DLGAP2: variants seen among roughly 807,000 people sequenced by gnomAD.
DLGAP2 encodes the protein disks large-associated protein 2.
A neutral mutation model predicts 100.3 loss-of-function variants in DLGAP2; 26 were observed. The observed-to-expected ratio is 0.26, with a 90% CI of 0.19 to 0.36. DLGAP2 has a LOEUF of 0.36. Among genes scored for constraint, DLGAP2 ranks in the 10% least tolerant of loss-of-function variants. The pLI is 1.00. For missense variants in DLGAP2, 1,858 were observed against 1,453.2 expected, an observed-to-expected ratio of 1.28 and a Z score of -4.53; for synonymous variants, 886 against 630.1, an observed-to-expected ratio of 1.41 and a Z score of -6.08.
chr8:1,603,758 G>C (rs1353996086), intron 6 of DLGAP2, among the ~76,000 whole-genome samples: 1 of 152,178 alleles, frequency 6.6e-6, no homozygotes, highest in East Asian at 1.9e-4. Flanking sequence ...CTGTCTCAGG[G>C]ATTATTTATC....
chr8:1,413,416 A>G (rs1160190310), intron 3 of DLGAP2, among the ~76,000 whole-genome samples: 1 of 152,226 alleles, frequency 6.6e-6, no homozygotes, highest in African/African-American at 2.4e-5. Context: ...AAGAAGCATA[A>G]AAAAGACTTT....
intron 1 of DLGAP2, among the ~76,000 whole-genome samples, chr8:880,901 C>G (rs948358424): frequency 6.6e-6 from 1 of 152,230 alleles, no homozygotes; most frequent in Non-Finnish European, 1.5e-5. Context: ...ACATAATGCC[C>G]TGATCTCCAC....
chr8:1,292,231 CT>C (rs1329849874), intron 3 of DLGAP2, among the ~76,000 whole-genome samples: 1 of 152,190 alleles, frequency 6.6e-6, no homozygotes, highest in Non-Finnish European at 1.5e-5. Context: ...GTCACCTGTA[CT>C]CAAAAACAAC....
chr8:1,282,592 G>A (rs1799839460), intron 3 of DLGAP2, among the ~76,000 whole-genome samples: 1 of 123,252 alleles, frequency 8.1e-6, no homozygotes. Context: ...TGGACATGGT[G>A]TGACCTGAAC....
At chr8:766,188 C>A (rs1400741876) in intron 1 of DLGAP2, among the ~76,000 whole-genome samples, 1 of 152,140 alleles carries the variant, frequency 6.6e-6, no homozygotes, top group Admixed American at 6.5e-5. Flanking sequence ...AAACAAGAAA[C>A]AAAACCAATC....
At chr8:1,329,566 A>G (rs945797892) in intron 3 of DLGAP2, among the ~76,000 whole-genome samples, 4 of 152,260 alleles carry the variant, frequency 2.6e-5, no homozygotes, top group South Asian at 2.1e-4. Flanking sequence ...GGGAAGTTCA[A>G]TTCGGTAGAT....
chr8:1,697,750 A>G (rs964678921), intron 14 of DLGAP2, among the ~76,000 whole-genome samples: 1 of 152,212 alleles, frequency 6.6e-6, no homozygotes, highest in Non-Finnish European at 1.5e-5. Context: ...TAGTATGGCC[A>G]CTATAGGCAA....
chr8:1,277,085 C>G (rs1397159774), intron 3 of DLGAP2, among the ~76,000 whole-genome samples: 1 of 152,158 alleles, frequency 6.6e-6, no homozygotes, highest in African/African-American at 2.4e-5. Flanking sequence ...GTTGTACCTT[C>G]TGGAATATTA....
chr8:1,486,717 G>C (rs1038655214), intron 3 of DLGAP2, among the ~76,000 whole-genome samples: 5 of 152,160 alleles, frequency 3.3e-5, no homozygotes, highest in African/African-American at 9.7e-5. Flanking sequence ...AAATTGCCAG[G>C]GTTTTTCATT....
At chr8:1,321,197 G>T (rs1392715165) in intron 3 of DLGAP2, among the ~76,000 whole-genome samples, 1 of 151,160 alleles carries the variant, frequency 6.6e-6, no homozygotes, top group Non-Finnish European at 1.5e-5. Flanking sequence ...ACGTGTGCAC[G>T]TGCATCCATG....
intron 6 of DLGAP2, among the ~76,000 whole-genome samples, chr8:1,572,576 G>T (rs1183077695): frequency 7.5e-6 from 1 of 134,182 alleles, no homozygotes; most frequent in African/African-American, 2.9e-5. Context: ...AGGGTGAACT[G>T]TGGGGGCGTC....
chr8:1,613,300 C>A (rs985040848), intron 6 of DLGAP2, among the ~76,000 whole-genome samples: 2 of 148,736 alleles, frequency 1.3e-5, no homozygotes, highest in Non-Finnish European at 3.0e-5. Context: ...GAACAAAAAA[C>A]CAAACACCGC....
intron 2 of DLGAP2, among the ~76,000 whole-genome samples, chr8:999,378 G>T (rs572410116): frequency 6.6e-6 from 1 of 151,478 alleles, no homozygotes; most frequent in South Asian, 2.1e-4. Context: ...AATTTAAGGT[G>T]ATTATTTTGA....
chr8:1,231,558 C>G (rs1454377715), intron 2 of DLGAP2, among the ~76,000 whole-genome samples: 1 of 152,088 alleles, frequency 6.6e-6, no homozygotes, highest in East Asian at 1.9e-4. Context: ...GCACTACTCA[C>G]GATAGCAAAG....
intron 3 of DLGAP2, among the ~76,000 whole-genome samples, chr8:1,356,916 GT>G (rs1210041676): frequency 1.3e-5 from 2 of 152,180 alleles, no homozygotes; most frequent in African/African-American, 4.8e-5. Flanking sequence ...TACAGTGCCC[GT>G]GTCTACAGCG....
At chr8:1,375,153 T>G (rs375067031) in intron 3 of DLGAP2, among the ~76,000 whole-genome samples, 19,425 of 70,370 alleles carry the variant, frequency 0.28, 1,920 homozygotes, top group African/African-American at 0.4. Context: ...TCAGAACTGA[T>G]CCCCCACCTC....
chr8:1,115,482 A>G (rs1238162747), intron 2 of DLGAP2, among the ~76,000 whole-genome samples: 3 of 152,246 alleles, frequency 2.0e-5, no homozygotes, highest in South Asian at 2.1e-4. Flanking sequence ...AAATTGGAGT[A>G]GTAATAACTA....
At chr8:1,342,227 G>A (rs1483850412) in intron 3 of DLGAP2, among the ~76,000 whole-genome samples, 1 of 152,128 alleles carries the variant, frequency 6.6e-6, no homozygotes, top group Non-Finnish European at 1.5e-5. Flanking sequence ...GATTACAGGT[G>A]TGAGCCACCG....
At chr8:989,807 C>T (rs929257318) in intron 2 of DLGAP2, among the ~76,000 whole-genome samples, 2 of 152,134 alleles carry the variant, frequency 1.3e-5, no homozygotes, top group Non-Finnish European at 2.9e-5. Context: ...CCCAGGGTCC[C>T]TGCTAATGAC....
Sources: gnomAD v4.1 joint callset for allele counts (sites outside exome capture counted in the v4.1 genomes callset) on GRCh38, gnomAD v4.1.1 for gene constraint, MANE v1.5 for transcripts, NCBI Gene and HGNC (gene_info 2026-07-23, HGNC 2026-07-21) for gene names.